Variants in SH3GL2 observed in about 807,000 individuals in gnomAD.
SH3GL2 encodes the protein SH3 domain containing GRB2 like 2, endophilin A1, also known as endophilin-A1.
In SH3GL2, 24 loss-of-function variants were observed where a neutral mutation model predicts 46.0. That is an observed-to-expected ratio of 0.52 (90% CI 0.38 to 0.73). The LOEUF (loss-of-function observed/expected upper bound fraction) is 0.73. Among genes scored for constraint, SH3GL2 ranks in the 30% least tolerant of loss-of-function variants. The probability of loss-of-function intolerance (pLI) is 0.00; values close to 1 mark genes in which losing one functional copy is unlikely to be tolerated. For missense variants in SH3GL2, 413 were observed against 424.2 expected (o/e 0.97, Z 0.23); for synonymous variants, 196 against 147.1 (o/e 1.33, Z -2.40).
chr9:17,657,003 A>G (rs1820097085), intron 1 of SH3GL2, among the ~76,000 whole-genome samples: 1 of 152,156 alleles, frequency 6.6e-6, no homozygotes, highest in African/African-American at 2.4e-5. Flanking sequence ...TCTTGAACAA[A>G]AGTGCTCTCT....
chr9:17,743,772 CTA>C (rs921245230), intron 1 of SH3GL2, among the ~76,000 whole-genome samples: 2 of 152,140 alleles, frequency 1.3e-5, no homozygotes, highest in African/African-American at 4.8e-5. Flanking sequence ...TAAAATCACT[CTA>C]TATTTAACAG....
At chr9:17,766,168 G>A (rs544975958) in intron 3 of SH3GL2, among the ~76,000 whole-genome samples, 31 of 152,318 alleles carry the variant, frequency 2.0e-4, no homozygotes, top group Admixed American at 3.9e-4. Context: ...AGGCTTCACA[G>A]CTAATTCCTC....
At chr9:17,679,025 G>C (rs1820691931) in intron 1 of SH3GL2, among the ~76,000 whole-genome samples, 2 of 152,046 alleles carry the variant, frequency 1.3e-5, no homozygotes, top group African/African-American at 4.8e-5. Context: ...TGCTGTTTTG[G>C]TTACTGTAGC....
intron 1 of SH3GL2, among the ~76,000 whole-genome samples, chr9:17,666,433 A>G (rs1820342389): frequency 6.6e-6 from 1 of 151,820 alleles, no homozygotes; most frequent in Non-Finnish European, 1.5e-5. Flanking sequence ...AGTTCCTGTT[A>G]CCTATAGGTA....
intron 1 of SH3GL2, among the ~76,000 whole-genome samples, chr9:17,602,295 C>T (rs571498483): frequency 6.6e-6 from 1 of 152,164 alleles, no homozygotes; most frequent in East Asian, 1.9e-4. Context: ...GGATTTGATT[C>T]TGTCCAAAAG....
At chr9:17,587,548 A>G (rs1277429805) in intron 1 of SH3GL2, among the ~76,000 whole-genome samples, 1 of 152,184 alleles carries the variant, frequency 6.6e-6, no homozygotes, top group Non-Finnish European at 1.5e-5. Flanking sequence ...TTCACTATCC[A>G]TGGTAGATTT....
At chr9:17,681,019 T>C (rs1374917537) in intron 1 of SH3GL2, among the ~76,000 whole-genome samples, 1 of 152,162 alleles carries the variant, frequency 6.6e-6, no homozygotes, top group Non-Finnish European at 1.5e-5. Flanking sequence ...TTCTGTTCTT[T>C]TACATTTGCT....
chr9:17,602,329 G>T (rs1267486579), intron 1 of SH3GL2, among the ~76,000 whole-genome samples: 1 of 152,154 alleles, frequency 6.6e-6, no homozygotes, highest in East Asian at 1.9e-4. Context: ...TAGCTGCTGG[G>T]CTCCCATCCT....
rs1033812787 is a variant in SH3GL2, at chr9:17,579,218, A to G, written c.-25A>G. ...CTCCGCCTCCTCCCTCCCGCACAGC[A>G]GCCGCCAGCGCGGCCTCCTGCACCA... is the stretch of plus-strand genomic sequence containing the variant. On this transcript the variant is annotated 5_prime_UTR_variant, in exon 1 of 9. Coordinates refer to ENST00000380607, the MANE Select transcript of SH3GL2 (RefSeq NM_003026.5). 3.3e-6 allele frequency: 5 copies of G among 1,533,874 alleles called. No homozygotes were observed. In the African/African-American group the frequency reaches 4.3e-5, roughly 13 times the overall value.
intron 1 of SH3GL2, among the ~76,000 whole-genome samples, chr9:17,598,047 G>A (rs565086413): frequency 1.3e-5 from 2 of 152,276 alleles, no homozygotes; most frequent in East Asian, 3.9e-4. Context: ...ATTTGTCACA[G>A]GTGCAGCAAA....
chr9:17,695,530 A>T (rs1459117628), intron 1 of SH3GL2, among the ~76,000 whole-genome samples: 1 of 152,126 alleles, frequency 6.6e-6, no homozygotes. Flanking sequence ...CTTAGATCTC[A>T]ATATACTCCT....
intron 3 of SH3GL2, among the ~76,000 whole-genome samples, chr9:17,775,798 C>T (rs1488328819): frequency 6.6e-6 from 1 of 152,116 alleles, no homozygotes; most frequent in African/African-American, 2.4e-5. Context: ...ACAGTCAGAA[C>T]ATAAAGATGT....
chr9:17,625,097 C>T (rs747636206), intron 1 of SH3GL2, among the ~76,000 whole-genome samples: 1 of 152,146 alleles, frequency 6.6e-6, no homozygotes, highest in African/African-American at 2.4e-5. Flanking sequence ...GGCTGGCCTG[C>T]ATTTTAATGA....
At chr9:17,740,414 C>G (rs1822490849) in intron 1 of SH3GL2, among the ~76,000 whole-genome samples, 1 of 151,460 alleles carries the variant, frequency 6.6e-6, no homozygotes, top group Non-Finnish European at 1.5e-5. Context: ...CAAAAGAATA[C>G]TGCTGAAATT....
intron 7 of SH3GL2, among the ~76,000 whole-genome samples, chr9:17,793,051 C>T (rs942690307): frequency 4.6e-5 from 7 of 152,130 alleles, no homozygotes; most frequent in African/African-American, 1.7e-4. Context: ...TGTACAAGAA[C>T]TGTGTTTTAA....
chr9:17,609,496 G>A (rs1311569371), intron 1 of SH3GL2, among the ~76,000 whole-genome samples: 1 of 152,068 alleles, frequency 6.6e-6, no homozygotes, highest in Non-Finnish European at 1.5e-5. Flanking sequence ...GGTGAGCAGG[G>A]GAGCTCTCCG....
chr9:17,778,538 T>G (rs918831509), intron 3 of SH3GL2, among the ~76,000 whole-genome samples: 1 of 152,130 alleles, frequency 6.6e-6, no homozygotes, highest in Admixed American at 6.6e-5. Flanking sequence ...GTTGGGACTT[T>G]GATTCCTACC....
At chr9:17,766,007 T>C (rs1588315047) in intron 3 of SH3GL2, among the ~76,000 whole-genome samples, 3 of 152,362 alleles carry the variant, frequency 2.0e-5, no homozygotes, top group African/African-American at 7.2e-5. Context: ...GATACTCATA[T>C]GTAACCAACA....
At chr9:17,627,217 A>T (rs1819302775) in intron 1 of SH3GL2, among the ~76,000 whole-genome samples, 1 of 152,164 alleles carries the variant, frequency 6.6e-6, no homozygotes, top group African/African-American at 2.4e-5. Context: ...ATGAGACACC[A>T]TCCTGTCCTG....
Sources: allele counts gnomAD v4.1 joint callset (sites outside exome capture counted in the v4.1 genomes callset), GRCh38; gene constraint gnomAD v4.1.1; transcripts MANE v1.5; gene names NCBI Gene and HGNC (gene_info 2026-07-23, HGNC 2026-07-21).